ANKRD45: variants seen among roughly 807,000 people sequenced by gnomAD.
ANKRD45 encodes the protein ankyrin repeat domain-containing protein 45.
ANKRD45 carries 21 observed loss-of-function variants against 28.1 expected under a neutral mutation model. That is an observed-to-expected ratio of 0.75 (90% CI 0.53 to 1.08). The LOEUF (loss-of-function observed/expected upper bound fraction) is 1.08. ANKRD45 is among the 50% of genes least tolerant of loss of function. The pLI is 0.00. For missense variants in ANKRD45, 261 were observed against 308.7 expected (o/e 0.85, Z 1.16); for synonymous variants, 86 against 103.9 (o/e 0.83, Z 1.05).
chr1:173,689,901 T>C, the ANKRD45 span, among the ~76,000 whole-genome samples: 2 of 152,062 alleles, frequency 1.3e-5, no homozygotes, highest in African/African-American at 2.4e-5. Flanking sequence ...CCTTTCTTCC[T>C]CTGAAAAGAG....
At chr1:173,647,385 C>T (rs1279951009) in intron 2 of ANKRD45, among the ~76,000 whole-genome samples, 1 of 152,064 alleles carries the variant, frequency 6.6e-6, no homozygotes, top group African/African-American at 2.4e-5. Flanking sequence ...GCAACTGGAC[C>T]TGTGATTTTA....
At chr1:173,670,298 C>A (rs1670211171), upstream of ANKRD45, among the ~76,000 whole-genome samples, 1 of 152,124 alleles carries the variant, frequency 6.6e-6, no homozygotes. Context: ...CTATATCCCT[C>A]TTGATTCAGA....
chr1:173,616,888 T>C (rs1020041368), intron 5 of ANKRD45, among the ~76,000 whole-genome samples: 1 of 152,018 alleles, frequency 6.6e-6, no homozygotes, highest in African/African-American at 2.4e-5. Context: ...TGAAGAAAAG[T>C]AGAGTGGGGC....
chr1:173,635,412 T>G (rs74964490), intron 3 of ANKRD45: 150 of 868,262 alleles, frequency 1.7e-4, no homozygotes, highest in Non-Finnish European at 2.4e-4. Context: ...TCCTGGTATT[T>G]TCTGCTTCCC....
chr1:173,646,004 A>G (rs935225123), intron 3 of ANKRD45, among the ~76,000 whole-genome samples: 17 of 152,348 alleles, frequency 1.1e-4, no homozygotes, highest in African/African-American at 3.8e-4. Context: ...GGAACAACCA[A>G]TTGTATCTAC....
chr1:173,615,277 C>T (rs375791226), intron 5 of ANKRD45, among the ~76,000 whole-genome samples: 7 of 150,602 alleles, frequency 4.6e-5, no homozygotes, highest in African/African-American at 1.2e-4. Flanking sequence ...CCCAGCTACT[C>T]GGGAGGCTGA....
the ANKRD45 span, among the ~76,000 whole-genome samples, chr1:173,690,240 A>G: frequency 3.9e-5 from 6 of 152,070 alleles, no homozygotes. Context: ...GGCTGGTGGC[A>G]CAGTAATTCC....
chr1:173,667,490 T>C (rs1255457823), intron 1 of ANKRD45, among the ~76,000 whole-genome samples: 1 of 151,872 alleles, frequency 6.6e-6, no homozygotes, highest in Non-Finnish European at 1.5e-5. Context: ...GATCACAAGG[T>C]CAGGAGTTCA....
At chr1:173,613,779 C>G (rs1019876754) in intron 5 of ANKRD45, among the ~76,000 whole-genome samples, 1 of 152,206 alleles carries the variant, frequency 6.6e-6, no homozygotes, top group Non-Finnish European at 1.5e-5. Flanking sequence ...TACCCAACAG[C>G]TCATTGAGAA....
intron 3 of ANKRD45, among the ~76,000 whole-genome samples, chr1:173,646,128 G>T (rs1668910481): frequency 6.6e-6 from 1 of 152,126 alleles, no homozygotes; most frequent in Non-Finnish European, 1.5e-5. Context: ...AGTTACAAAG[G>T]TACATCTTCC....
In ANKRD45 at chr1:173,655,987, C is replaced by T. The variant is rs763394220; in HGVS notation, c.328+3104G>A. Among the ~76,000 whole-genome samples, 4 of 152,152 alleles carry T rather than the reference C, an allele frequency of 2.6e-5. No homozygotes were observed. The East Asian group carries it at 5.8e-4, about 22-fold the overall frequency. On this transcript the variant is annotated intron_variant, in intron 2 of 5. Coordinates refer to ENST00000333279, the MANE Select transcript of ANKRD45 (RefSeq NM_198493.3). Reference sequence around the variant, plus strand: ...GCACAGTATTTAGGCAGGAATGTCCCGTTTTTCCAGGTACAGTGTATCATG... The same window carrying T: ...GCACAGTATTTAGGCAGGAATGTCCTGTTTTTCCAGGTACAGTGTATCATG...
At chr1:173,674,992 T>C in the ANKRD45 span, among the ~76,000 whole-genome samples, 1 of 152,126 alleles carries the variant, frequency 6.6e-6, no homozygotes, top group Non-Finnish European at 1.5e-5. Context: ...AGCTCATTTT[T>C]AGAAGGTTGT....
At chr1:173,643,885 T>C (rs769103161) in intron 3 of ANKRD45, among the ~76,000 whole-genome samples, 2 of 152,208 alleles carry the variant, frequency 1.3e-5, no homozygotes, top group Non-Finnish European at 2.9e-5. Context: ...GCTTGGGCTA[T>C]TATGGATTAC....
the ANKRD45 span, among the ~76,000 whole-genome samples, chr1:173,687,055 G>A: frequency 1.1e-4 from 16 of 152,244 alleles, no homozygotes; most frequent in African/African-American, 3.6e-4. Flanking sequence ...TAGCCAATAT[G>A]TTTACACACA....
chr1:173,688,345 T>C, the ANKRD45 span, among the ~76,000 whole-genome samples: 1 of 151,708 alleles, frequency 6.6e-6, no homozygotes, highest in African/African-American at 2.4e-5. Flanking sequence ...TCTTTCTCTC[T>C]CTGACTCCCT....
the ANKRD45 span, among the ~76,000 whole-genome samples, chr1:173,677,295 A>G: frequency 5.3e-5 from 8 of 152,200 alleles, no homozygotes; most frequent in Non-Finnish European, 5.9e-5. Flanking sequence ...AAATTTTTAT[A>G]AATATATAAA....
intron 4 of ANKRD45, 71 bp downstream of exon 4, chr1:173,626,994 A>G: frequency 1.9e-6 from 2 of 1,059,674 alleles, no homozygotes; most frequent in Non-Finnish European, 1.4e-6. Flanking sequence ...TTAGAACATC[A>G]GTGCAAAAAT....
the ANKRD45 span, among the ~76,000 whole-genome samples, chr1:173,681,478 T>C: frequency 6.6e-6 from 1 of 152,204 alleles, no homozygotes; most frequent in Non-Finnish European, 1.5e-5. Flanking sequence ...CGATTAGAGC[T>C]CTTTTGTATA....
At chr1:173,655,663 C>A (rs1669470583) in intron 2 of ANKRD45, among the ~76,000 whole-genome samples, 1 of 152,350 alleles carries the variant, frequency 6.6e-6, no homozygotes, top group East Asian at 1.9e-4. Context: ...TTTAATTCTG[C>A]AGAAGTTTCT....
Sources: gnomAD v4.1 joint callset for allele counts (sites outside exome capture counted in the v4.1 genomes callset) on GRCh38, gnomAD v4.1.1 for gene constraint, MANE v1.5 for transcripts, NCBI Gene and HGNC (gene_info 2026-07-23, HGNC 2026-07-21) for gene names.